Variants in PCDH11X observed in about 807,000 individuals in gnomAD.
PCDH11X encodes protocadherin 11 X-linked, also known as protocadherin-11 X-linked.
In PCDH11X, 18 loss-of-function variants were observed where a neutral mutation model predicts 53.3. The observed-to-expected ratio is 0.34, with a 90% confidence interval of 0.23 to 0.50. The LOEUF is 0.50. Among genes scored for constraint, PCDH11X ranks in the 20% least tolerant of loss-of-function variants. The pLI is 0.98. For synonymous variants in PCDH11X, 279 were observed against 393.3 expected, an observed-to-expected ratio of 0.71 and a Z score of 3.44; for missense variants, 570 against 1,032.4, an observed-to-expected ratio of 0.55 and a Z score of 6.14.
At chrX:92,007,141 G>A (rs1289273493) in intron 6 of PCDH11X, among the ~76,000 whole-genome samples, 1 of 111,297 alleles carries the variant, frequency 9.0e-6, no homozygotes, top group African/African-American at 3.3e-5. Flanking sequence ...AGGCCCTGGT[G>A]CTCTACAATC....
chrX:92,508,457 G>A (rs1224836515), intron 10 of PCDH11X, among the ~76,000 whole-genome samples: 3 of 110,386 alleles, frequency 2.7e-5, no homozygotes, highest in South Asian at 3.9e-4. Flanking sequence ...TCCTGACCTC[G>A]TGATCCACCT....
intron 6 of PCDH11X, among the ~76,000 whole-genome samples, chrX:91,974,846 G>A (rs757718247): frequency 1.3e-4 from 14 of 109,275 alleles, no homozygotes; most frequent in Middle Eastern, 4.7e-3. Flanking sequence ...TCCACCTCCC[G>A]GGCTCAATTG....
At chrX:92,247,765 T>C (rs2067378375) in intron 7 of PCDH11X, among the ~76,000 whole-genome samples, 1 of 111,969 alleles carries the variant, frequency 8.9e-6, no homozygotes, top group Non-Finnish European at 1.9e-5. Flanking sequence ...TCCAGGATGA[T>C]TTTTATCTCT....
intron 5 of PCDH11X, among the ~76,000 whole-genome samples, chrX:91,852,209 TTCACC>T: frequency 9.3e-6 from 1 of 107,359 alleles, no homozygotes; most frequent in South Asian, 4.3e-4. Flanking sequence ...GAGACGGGGT[TTCACC>T]ATGTTGGCCA....
At chrX:92,071,930 C>G (rs2063708245) in intron 6 of PCDH11X, among the ~76,000 whole-genome samples, 2 of 111,388 alleles carry the variant, frequency 1.8e-5, no homozygotes, top group African/African-American at 6.5e-5. Context: ...TGGCAAGTTC[C>G]TATAAGCCCA....
At chrX:92,401,916 T>C (rs1603301004) in intron 9 of PCDH11X, among the ~76,000 whole-genome samples, 1 of 112,325 alleles carries the variant, frequency 8.9e-6, no homozygotes, top group African/African-American at 3.2e-5. Flanking sequence ...TTTAAAGAGA[T>C]ATAATCATTT....
intron 10 of PCDH11X, among the ~76,000 whole-genome samples, chrX:92,492,255 T>C (rs2073779170): frequency 8.9e-6 from 1 of 112,178 alleles, no homozygotes; most frequent in Admixed American, 9.5e-5. Context: ...AGAAACTACT[T>C]ACATTTCTAC....
At chrX:92,538,041 A>G (rs2074697666) in intron 10 of PCDH11X, among the ~76,000 whole-genome samples, 1 of 96,683 alleles carries the variant, frequency 1.0e-5, no homozygotes. Flanking sequence ...ATATATATGA[A>G]TGCTCCAGTG....
intron 10 of PCDH11X, among the ~76,000 whole-genome samples, chrX:92,524,437 C>A (rs979559144): frequency 3.3e-4 from 33 of 101,269 alleles, no homozygotes; most frequent in African/African-American, 1.1e-3. Flanking sequence ...ACGAATGAGA[C>A]AAGAATATTT....
At chrX:92,616,707 T>G (rs1203851491) in intron 10 of PCDH11X, among the ~76,000 whole-genome samples, 7 of 108,849 alleles carry the variant, frequency 6.4e-5, no homozygotes, top group Non-Finnish European at 1.3e-4. Flanking sequence ...TTGGCTAATC[T>G]AATTCCTTTA....
chrX:92,020,022 A>C (rs904925366), intron 6 of PCDH11X, among the ~76,000 whole-genome samples: 8 of 112,291 alleles, frequency 7.1e-5, no homozygotes, highest in African/African-American at 2.6e-4. Context: ...TGTGCTACCC[A>C]GCCTGGGAAA....
chrX:91,782,119 T>G (rs1369188590), intron 1 of PCDH11X, among the ~76,000 whole-genome samples: 1 of 111,473 alleles, frequency 9.0e-6, no homozygotes, highest in Non-Finnish European at 1.9e-5. Flanking sequence ...CCCCGCGCGC[T>G]CCCTGCGCGC....
At chrX:92,277,903 G>A (rs761508035) in intron 8 of PCDH11X, among the ~76,000 whole-genome samples, 9 of 111,334 alleles carry the variant, frequency 8.1e-5, no homozygotes, top group South Asian at 7.6e-4. Flanking sequence ...CCAGAAAAGC[G>A]GGACTTGCCG....
chrX:92,304,627 C>T (rs2068788193), intron 8 of PCDH11X, among the ~76,000 whole-genome samples: 2 of 111,487 alleles, frequency 1.8e-5, no homozygotes, highest in African/African-American at 6.5e-5. Flanking sequence ...CTTGCCTTCC[C>T]ACTCTTATTC....
intron 10 of PCDH11X, among the ~76,000 whole-genome samples, chrX:92,571,730 T>C (rs184025778): frequency 3.2e-3 from 346 of 109,771 alleles, no homozygotes; most frequent in African/African-American, 0.011. Context: ...TAGGAATCCC[T>C]ACTGAGAACT....
intron 8 of PCDH11X, among the ~76,000 whole-genome samples, chrX:92,373,210 C>T (rs929060204): frequency 9.0e-6 from 1 of 110,619 alleles, no homozygotes; most frequent in African/African-American, 3.3e-5. Flanking sequence ...GACCCAAAGT[C>T]GCAGTTGGAG....
At chrX:92,101,255 GT>G (rs1207089466) in intron 6 of PCDH11X, among the ~76,000 whole-genome samples, 2 of 110,825 alleles carry the variant, frequency 1.8e-5, no homozygotes, top group South Asian at 3.9e-4. Flanking sequence ...GGGATGACAA[GT>G]TTTTTTTGGG....
In PCDH11X at chrX:92,078,988, C is replaced by G. The variant is rs2063815843; in HGVS notation, c.3034-122387C>G. 2.7e-5 allele frequency among the ~76,000 whole-genome samples: 3 copies of G among 109,955 alleles called. 1 individual carries two copies. The highest frequency in any genetic ancestry group is 5.7e-5 in the Non-Finnish European group (3 of 52,727). On this transcript the variant is annotated intron_variant, in intron 6 of 10. Coordinates refer to ENST00000682573, the MANE Select transcript of PCDH11X (RefSeq NM_032968.5). ...TCTCTCCCCAGAAAATTAATAACAG[C>G]AAAAATTATCAACTTATGATTTGAA... is the stretch of plus-strand genomic sequence containing the variant.
Position 92,540,517 on chromosome X carries a change from C to A in PCDH11X, c.3367+72195C>A, listed in dbSNP as rs182017084. On this transcript the variant is annotated intron_variant, in intron 10 of 10. Coordinates refer to ENST00000682573, the MANE Select transcript of PCDH11X (RefSeq NM_032968.5). ...TGCTGTCCAAAAGTCTAGACCAGGA[C>A]TTGACACCAAGAGCCTGCTTGTTGC... is the stretch of plus-strand genomic sequence containing the variant. Among the ~76,000 whole-genome samples the A allele has an allele frequency of 2.9e-5, 3 of 104,993 alleles. No homozygotes were observed. The East Asian group carries it at 9.0e-4, about 31-fold the overall frequency. 91.2% of individuals were successfully genotyped at this position (104,993 alleles called of 115,157 possible).
Sources: allele counts gnomAD v4.1 joint callset (sites outside exome capture counted in the v4.1 genomes callset), GRCh38; gene constraint gnomAD v4.1.1; transcripts MANE v1.5; gene names NCBI Gene and HGNC (gene_info 2026-07-23, HGNC 2026-07-21).